The following ARFGEF2 variants were observed in gnomAD, a reference collection of about 807,000 sequenced individuals.
The protein encoded by ARFGEF2 is ARF guanine nucleotide exchange factor 2.
ARFGEF2 carries 74 observed loss-of-function variants against 219.9 expected under a neutral mutation model. The observed-to-expected ratio is 0.34, with a 90% confidence interval of 0.28 to 0.41. The LOEUF (loss-of-function observed/expected upper bound fraction) is 0.41. Among genes scored for constraint, ARFGEF2 ranks in the 10% least tolerant of loss-of-function variants. The probability of loss-of-function intolerance (pLI) is 1.00; values close to 1 mark genes in which losing one functional copy is unlikely to be tolerated. For synonymous variants in ARFGEF2, 733 were observed against 799.2 expected (o/e 0.92, Z 1.40); for missense variants, 1,743 against 2,218.3 (o/e 0.79, Z 4.30).
chr20:48,985,861 A>G (rs889812910), intron 16 of ARFGEF2, among the ~76,000 whole-genome samples: 1 of 152,244 alleles, frequency 6.6e-6, no homozygotes, highest in African/African-American at 2.4e-5. Context: ...TCACACAGCT[A>G]AAGCCCATGC....
chr20:49,028,473 C>T (rs2091616052), intron 36 of ARFGEF2, 57 bp from the exon 37 acceptor site: 1 of 1,537,110 alleles, frequency 6.5e-7, no homozygotes, highest in African/African-American at 1.4e-5. Flanking sequence ...TAGTCATACA[C>T]AGTTATCAGC....
At chr20:49,002,161 C>G (rs1362050897) in intron 25 of ARFGEF2, among the ~76,000 whole-genome samples, 1 of 152,108 alleles carries the variant, frequency 6.6e-6, no homozygotes, top group Admixed American at 6.6e-5. Context: ...TATCTCGAAC[C>G]CGGGGGGTGG....
chr20:48,934,282 G>A (rs528313910), intron 1 of ARFGEF2, among the ~76,000 whole-genome samples: 2 of 152,004 alleles, frequency 1.3e-5, no homozygotes, highest in Non-Finnish European at 2.9e-5. Flanking sequence ...CATGCTATCT[G>A]TGAGGCACCC....
intron 14 of ARFGEF2, among the ~76,000 whole-genome samples, chr20:48,983,666 A>G (rs935988743): frequency 1.3e-5 from 2 of 152,046 alleles, no homozygotes; most frequent in African/African-American, 2.4e-5. Flanking sequence ...TCTTTTTACC[A>G]TGGTGCCTTG....
At chr20:48,943,716 A>G (rs2091007676) in intron 3 of ARFGEF2, among the ~76,000 whole-genome samples, 1 of 152,246 alleles carries the variant, frequency 6.6e-6, no homozygotes, top group Admixed American at 6.5e-5. Flanking sequence ...GATTATAGGC[A>G]TGAGCCACCA....
chr20:48,980,855 A>G (rs538533787), intron 14 of ARFGEF2, among the ~76,000 whole-genome samples: 5 of 151,882 alleles, frequency 3.3e-5, no homozygotes, highest in East Asian at 3.9e-4. Flanking sequence ...CTCCATCCCT[A>G]TATTTTGAGC....
chr20:48,924,765 G>A (rs1277645213), intron 1 of ARFGEF2, among the ~76,000 whole-genome samples: 1 of 151,850 alleles, frequency 6.6e-6, no homozygotes, highest in Non-Finnish European at 1.5e-5. Context: ...ATGTTAGCTA[G>A]GAGTGTATTC....
chr20:48,945,616 C>T (rs1278566502), intron 3 of ARFGEF2, among the ~76,000 whole-genome samples: 1 of 152,120 alleles, frequency 6.6e-6, no homozygotes, highest in African/African-American at 2.4e-5. Context: ...GTAATCCCAG[C>T]ACTTTGAGGC....
At position 49,012,067 on chromosome 20, in the gene ARFGEF2, G is replaced by T; in HGVS notation, c.3901G>T (p.Val1301Phe). 6.2e-7 allele frequency: 1 copy of T among 1,614,172 alleles called. No individual in the cohort carries two copies. The part of the protein sequence containing the change: ...IRLIRFCGKY[V>F]SERPRVLQEY... Reference sequence around the variant, plus strand: ...GCTCATCCGCTTCTGTGGCAAATACGTCTCTGAGAGGCCTCGGGTTCGTTT... The same window carrying T: ...GCTCATCCGCTTCTGTGGCAAATACTTCTCTGAGAGGCCTCGGGTTCGTTT... The change falls in exon 28 of 39, where the codon GTC becomes TTC. Residue 1301 changes from valine to phenylalanine, a missense_variant. This residue lies in a region of ARFGEF2 where 578 missense variants were observed against 664.0 expected (regional missense o/e 0.87). Transcript: ENST00000371917.
chr20:48,953,851 G>A, intron 6 of ARFGEF2, 61 bp downstream of exon 6: 1 of 1,478,300 alleles, frequency 6.8e-7, no homozygotes, highest in Non-Finnish European at 9.4e-7. Context: ...CCTGTGAGGG[G>A]CAGAAGAAGT....
rs1242516416 is a variant in ARFGEF2 at position 48,950,807 on chromosome 20, AAAAAATATATATATATATATATATAT to A, written c.277-514_277-489del. On this transcript the variant is annotated intron_variant, in intron 3 of 38. Coordinates refer to ENST00000371917, the MANE Select transcript of ARFGEF2 (RefSeq NM_006420.3). ...TAAGACCCTGTCTAAAAAAAAAAAA[AAAAAATATATATATATATATATATAT>A]ATATATATATATATGTATGTATATA... Among the ~76,000 whole-genome samples, 56 of 44,816 alleles carry A rather than the reference AAAAAATATATATATATATATATATAT, an allele frequency of 1.2e-3. 1 individual carries two copies. The highest frequency in any genetic ancestry group is 2.0e-3 in the Non-Finnish European group (43 of 22,028). 29.4% of individuals were successfully genotyped at this position (44,816 alleles called of 152,430 possible).
intron 35 of ARFGEF2, 103 bp downstream of exon 35, chr20:49,023,284 C>T: frequency 1.4e-6 from 2 of 1,466,614 alleles, no homozygotes; most frequent in South Asian, 2.4e-5. Flanking sequence ...CAGAGCCTGT[C>T]ATGCTCATCT....
Position 49,029,882 on chromosome 20 carries a change from C to T in ARFGEF2, c.5063+1214C>T, listed in dbSNP as rs887765829. 1.8e-4 allele frequency among the ~76,000 whole-genome samples: 26 copies of T among 146,952 alleles called. No homozygotes were observed. In the East Asian group the frequency reaches 5.2e-3, roughly 29 times the overall value. Reference sequence around the variant, plus strand: ...TGCTGGGATTACAGGCATGAGCCACCGTGCCCAGCCTAAAAGTGAATTTTT... The same window carrying T: ...TGCTGGGATTACAGGCATGAGCCACTGTGCCCAGCCTAAAAGTGAATTTTT... On this transcript the variant is annotated intron_variant, in intron 37 of 38. Coordinates refer to ENST00000371917, the MANE Select transcript of ARFGEF2 (RefSeq NM_006420.3).
chr20:48,950,814 ATATATATATATAT>A lies in ARFGEF2; in HGVS notation c.277-508_277-496del, dbSNP rs2091065101. On this transcript the variant is annotated intron_variant, in intron 3 of 38. Coordinates refer to ENST00000371917, the MANE Select transcript of ARFGEF2 (RefSeq NM_006420.3). ...CTGTCTAAAAAAAAAAAAAAAAAAT[ATATATATATATAT>A]ATATATATATATATATATATGTATG... is the stretch of plus-strand genomic sequence containing the variant. Among the ~76,000 whole-genome samples, 10 of 50,864 alleles carry A rather than the reference ATATATATATATAT, an allele frequency of 2.0e-4. No individual in the cohort carries two copies. In the South Asian group the frequency reaches 3.0e-3, roughly 15 times the overall value. The allele number at this position is 50,864 out of a possible 152,430, so 33.4% of individuals were successfully genotyped here.
intron 27 of ARFGEF2, among the ~76,000 whole-genome samples, chr20:49,011,528 G>A (rs1473778817): frequency 2.0e-5 from 3 of 152,212 alleles, no homozygotes; most frequent in Admixed American, 1.3e-4. Context: ...CCCAGAGTTA[G>A]TTTAGTGTCC....
intron 7 of ARFGEF2, among the ~76,000 whole-genome samples, chr20:48,965,644 A>G (rs536296733): frequency 1.3e-4 from 20 of 152,332 alleles, no homozygotes; most frequent in African/African-American, 4.8e-4. Context: ...AGAATTGTAT[A>G]TTGCTGTGGC....
chr20:49,022,920 G>T, intron 34 of ARFGEF2, 131 bp from the exon 35 acceptor site: 3 of 1,258,234 alleles, frequency 2.4e-6, no homozygotes, highest in Non-Finnish European at 2.3e-6. Flanking sequence ...TTCAGGACCA[G>T]CCTGGAGAAC....
intron 25 of ARFGEF2, among the ~76,000 whole-genome samples, chr20:49,004,172 C>G (rs2091441947): frequency 6.6e-6 from 1 of 151,960 alleles, no homozygotes. Flanking sequence ...ACCAGCCTGG[C>G]CAACATGGTG....
chr20:48,963,707 G>T, intron 6 of ARFGEF2, 123 bp from the exon 7 acceptor site: 1 of 914,546 alleles, frequency 1.1e-6, no homozygotes. Context: ...TTTGGCCTTG[G>T]GGAGAACTTA....
Sources: gnomAD v4.1 joint callset for allele counts (sites outside exome capture counted in the v4.1 genomes callset) on GRCh38, gnomAD v4.1.1 for gene constraint, gnomAD v4.1.1 regional missense constraint, MANE v1.5 for transcripts, NCBI Gene and HGNC (gene_info 2026-07-23, HGNC 2026-07-21) for gene names.